SORCS3: variants seen among roughly 807,000 people sequenced by gnomAD.
SORCS3 encodes the protein sortilin related VPS10 domain containing receptor 3.
A neutral mutation model predicts 146.3 loss-of-function variants in SORCS3; 57 were observed. The observed-to-expected ratio is 0.39, with a 90% CI of 0.31 to 0.49. The LOEUF (loss-of-function observed/expected upper bound fraction) is 0.49, where lower values mean the gene tolerates loss of function less well. Ranked by LOEUF, SORCS3 falls within the 20% of genes least tolerant of loss-of-function variation. The probability of loss-of-function intolerance (pLI) is 0.92; values close to 1 mark genes in which losing one functional copy is unlikely to be tolerated. For synonymous variants in SORCS3, 653 were observed against 618.5 expected (o/e 1.06, Z -0.83); for missense variants, 1,341 against 1,575.5 (o/e 0.85, Z 2.52).
intron 2 of SORCS3, among the ~76,000 whole-genome samples, chr10:104,848,254 T>G (rs2018230536): frequency 6.6e-6 from 1 of 152,114 alleles, no homozygotes; most frequent in Non-Finnish European, 1.5e-5. Context: ...TTTCATCTGG[T>G]TCACAAGCTG....
At chr10:105,017,242 A>G (rs544624645) in intron 4 of SORCS3, among the ~76,000 whole-genome samples, 1 of 152,064 alleles carries the variant, frequency 6.6e-6, no homozygotes, top group South Asian at 2.1e-4. Flanking sequence ...GGAGGTCCCC[A>G]CACAGGAAGT....
At chr10:105,261,589 C>T (rs1295026134) in intron 25 of SORCS3, among the ~76,000 whole-genome samples, 1 of 152,206 alleles carries the variant, frequency 6.6e-6, no homozygotes, top group African/African-American at 2.4e-5. Flanking sequence ...GAGGCTGGAA[C>T]ACACAGTGTG....
intron 9 of SORCS3, among the ~76,000 whole-genome samples, chr10:105,156,500 C>T (rs2056210395): frequency 6.6e-6 from 1 of 152,118 alleles, no homozygotes; most frequent in South Asian, 2.1e-4. Context: ...CTGGTGAGTG[C>T]TTTGCATAGT....
chr10:105,127,275 AG>A (rs1333419442), intron 7 of SORCS3, among the ~76,000 whole-genome samples: 3 of 152,120 alleles, frequency 2.0e-5, no homozygotes, highest in Non-Finnish European at 4.4e-5. Context: ...AACCACGCAA[AG>A]GAGTATTTGA....
chr10:104,884,993 G>A (rs1004580014), intron 2 of SORCS3, among the ~76,000 whole-genome samples: 3 of 152,148 alleles, frequency 2.0e-5, no homozygotes, highest in Non-Finnish European at 4.4e-5. Context: ...GAAGATGGTA[G>A]GAGGTCAGGA....
intron 1 of SORCS3, among the ~76,000 whole-genome samples, chr10:104,820,443 G>C (rs1589511781): frequency 6.6e-6 from 1 of 152,136 alleles, no homozygotes. Flanking sequence ...TATGTATCAA[G>C]TAGGGTTTTA....
chr10:104,730,480 G>C (rs2016693137), intron 1 of SORCS3, among the ~76,000 whole-genome samples: 1 of 152,192 alleles, frequency 6.6e-6, no homozygotes, highest in Non-Finnish European at 1.5e-5. Flanking sequence ...AGCTGTCAGT[G>C]TAAGTCCTAT....
Position 104,641,428 on chromosome 10 carries a change from A to G in SORCS3, c.101A>G (p.Glu34Gly). Residue 34 changes from glutamate (E) to glycine (G), a missense_variant, in exon 1 of 27, where the codon GAG (glutamate) becomes GGG (glycine). Physicochemically the swap from Glu to Gly is moderately conservative, Grantham distance 98. Transcript: ENST00000369701. The surrounding 1 kb of genome is among the most constrained non-coding windows in gnomAD (Gnocchi z 6.4). ...LLSTWVLAGAEITWDATGGPG... is the reference protein window; with the variant it reads ...LLSTWVLAGAGITWDATGGPG... ...TCGACGTGGGTCCTGGCCGGCGCCG[A>G]GATCACTTGGGACGCGACAGGCGGT... 6.8e-7 allele frequency: 1 copy of G among 1,469,562 alleles called. No individual in the cohort carries two copies. The highest frequency in any genetic ancestry group is 2.4e-5 in the Admixed American group (1 of 41,022). 91.0% of individuals were successfully genotyped at this position (1,469,562 alleles called of 1,614,324 possible). A position where few individuals can be genotyped will look rare whatever the true frequency, so the allele number is the denominator to read the frequency against.
At chr10:105,066,549 G>T (rs57634638) in intron 5 of SORCS3, among the ~76,000 whole-genome samples, 7,016 of 152,188 alleles carry the variant, frequency 0.046, 185 homozygotes, top group Middle Eastern at 0.075. Flanking sequence ...TACATCTAGA[G>T]ACCTTACTGT....
At chr10:104,866,639 AG>A (rs955344560) in intron 2 of SORCS3, among the ~76,000 whole-genome samples, 6 of 152,242 alleles carry the variant, frequency 3.9e-5, no homozygotes, top group African/African-American at 1.4e-4. Context: ...AGTTTACCAC[AG>A]GGGGTTAATT....
intron 1 of SORCS3, among the ~76,000 whole-genome samples, chr10:104,652,059 A>ATG (rs3069971): frequency 3.0e-4 from 45 of 149,044 alleles, no homozygotes; most frequent in African/African-American, 7.6e-4. Flanking sequence ...TATATTTTAA[A>ATG]TGTGTGTGTG....
intron 3 of SORCS3, among the ~76,000 whole-genome samples, chr10:104,947,395 T>C (rs1046091620): frequency 6.6e-6 from 1 of 152,048 alleles, no homozygotes; most frequent in Non-Finnish European, 1.5e-5. Context: ...GAGGGAGGCT[T>C]AGGAAATGTT....
chr10:105,101,356 A>C (rs1432499124), intron 6 of SORCS3, among the ~76,000 whole-genome samples: 2 of 152,152 alleles, frequency 1.3e-5, no homozygotes, highest in African/African-American at 2.4e-5. Context: ...CCTGCCTGAC[A>C]ATTTAGTTTC....
chr10:105,169,149 A>G (rs2056339183), intron 13 of SORCS3, among the ~76,000 whole-genome samples: 1 of 152,100 alleles, frequency 6.6e-6, no homozygotes, highest in African/African-American at 2.4e-5. Flanking sequence ...AAAAGCAAAC[A>G]TGTTAAATAC....
At chr10:105,056,793 C>A (rs1232597836) in intron 5 of SORCS3, among the ~76,000 whole-genome samples, 2 of 152,140 alleles carry the variant, frequency 1.3e-5, no homozygotes, top group Non-Finnish European at 2.9e-5. Flanking sequence ...TTGAAAACAG[C>A]ATTAAACATT....
chr10:104,845,898 C>T (rs749093065), intron 2 of SORCS3, among the ~76,000 whole-genome samples: 11 of 152,018 alleles, frequency 7.2e-5, no homozygotes, highest in South Asian at 2.1e-4. Flanking sequence ...TGGAGCCAGA[C>T]GGGAGGCACA....
At chr10:104,917,249 G>A (rs1048425525) in intron 3 of SORCS3, among the ~76,000 whole-genome samples, 65 of 152,190 alleles carry the variant, frequency 4.3e-4, no homozygotes, top group African/African-American at 1.5e-3. Context: ...CCAAAGCATT[G>A]CCATTTTCAC....
chr10:104,822,930 TG>T (rs1370027135), intron 1 of SORCS3, among the ~76,000 whole-genome samples: 1 of 152,188 alleles, frequency 6.6e-6, no homozygotes, highest in African/African-American at 2.4e-5. Flanking sequence ...GTGGCTGCCA[TG>T]GCCCTGTTAT....
intron 1 of SORCS3, among the ~76,000 whole-genome samples, chr10:104,668,879 TC>T (rs36045505): frequency 2.0e-5 from 3 of 152,208 alleles, no homozygotes; most frequent in Non-Finnish European, 4.4e-5. Context: ...AGAGATATTT[TC>T]CCCAAGTGCG....
Sources: gnomAD v4.1 joint callset for allele counts (sites outside exome capture counted in the v4.1 genomes callset) on GRCh38, gnomAD v4.1.1 for gene constraint, Gnocchi (gnomAD v3.1) non-coding constraint, MANE v1.5 for transcripts, NCBI Gene and HGNC (gene_info 2026-07-23, HGNC 2026-07-21) for gene names.